Variants in ASTN1 observed in about 807,000 individuals in gnomAD.
The protein encoded by ASTN1 is astrotactin 1.
A neutral mutation model predicts 140.7 loss-of-function variants in ASTN1; 41 were observed. That is an observed-to-expected ratio of 0.29 (90% CI 0.23 to 0.38). ASTN1 has a LOEUF of 0.38. Ranked by LOEUF, ASTN1 falls within the 10% of genes least tolerant of loss-of-function variation. ASTN1 has a pLI of 1.00. For synonymous variants in ASTN1, 640 were observed against 652.2 expected (o/e 0.98, Z 0.29); for missense variants, 1,479 against 1,678.8 (o/e 0.88, Z 2.08).
chr1:177,039,286 A>T (rs969964236), intron 2 of ASTN1, among the ~76,000 whole-genome samples: 4 of 152,232 alleles, frequency 2.6e-5, no homozygotes, highest in Non-Finnish European at 5.9e-5. Flanking sequence ...GTGGTTACAA[A>T]ATAGGAATCA....
chr1:177,037,573 G>A (rs1195605671), intron 2 of ASTN1, among the ~76,000 whole-genome samples: 1 of 152,114 alleles, frequency 6.6e-6, no homozygotes, highest in East Asian at 1.9e-4. Flanking sequence ...ATAGCCATTG[G>A]AAAAACAAAG....
chr1:176,995,247 T>C (rs545010163), intron 8 of ASTN1, among the ~76,000 whole-genome samples: 1 of 152,144 alleles, frequency 6.6e-6, no homozygotes, highest in Admixed American at 6.5e-5. Flanking sequence ...CAGCTTGGGA[T>C]AGTATGGGCA....
At chr1:177,074,507 C>T (rs1440229142) in intron 1 of ASTN1, among the ~76,000 whole-genome samples, 2 of 152,286 alleles carry the variant, frequency 1.3e-5, no homozygotes, top group African/African-American at 2.4e-5. Flanking sequence ...TTTCTCTGTA[C>T]AGATTCCCAC....
At chr1:177,096,384 T>A (rs151110113) in intron 1 of ASTN1, among the ~76,000 whole-genome samples, 1 of 152,184 alleles carries the variant, frequency 6.6e-6, no homozygotes, top group Admixed American at 6.5e-5. Context: ...TGAATGTTTG[T>A]GTCTCCCAAA....
rs529091361 is a variant in ASTN1, at chr1:177,063,644, T to G, written c.284-2379A>C. 4.5e-4 allele frequency among the ~76,000 whole-genome samples: 68 copies of G among 152,094 alleles called. 1 individual carries two copies. In the South Asian group the frequency reaches 0.014, roughly 32 times the overall value. ...CAGAGGAGGCCTGACAATCACAAAC[T>G]CCATTCCCCACTTGGGCGCTTATCC... On this transcript the variant is annotated intron_variant, in intron 1 of 22. Transcript: ENST00000361833.
intron 8 of ASTN1, among the ~76,000 whole-genome samples, chr1:176,972,182 GT>G (rs1673165733): frequency 6.6e-6 from 1 of 152,200 alleles, no homozygotes; most frequent in Non-Finnish European, 1.5e-5. Flanking sequence ...GAACACTGTT[GT>G]ACATGTGGTC....
intron 1 of ASTN1, among the ~76,000 whole-genome samples, chr1:177,122,173 T>C (rs973046302): frequency 6.6e-6 from 1 of 152,060 alleles, no homozygotes; most frequent in African/African-American, 2.4e-5. Flanking sequence ...AATAAGGAAG[T>C]AGCGAGGGTA....
intron 11 of ASTN1, among the ~76,000 whole-genome samples, chr1:176,952,242 C>CT (rs1173135386): frequency 2.1e-5 from 3 of 145,728 alleles, no homozygotes; most frequent in African/African-American, 4.9e-5. Flanking sequence ...TTCTTTCTTT[C>CT]TTTTTTTTCT....
chr1:176,984,773 C>T (rs1365520338), intron 8 of ASTN1, among the ~76,000 whole-genome samples: 1 of 152,168 alleles, frequency 6.6e-6, no homozygotes, highest in Admixed American at 6.5e-5. Context: ...AACTTCCTTG[C>T]TATAGTTATT....
chr1:176,985,457 TC>T (rs1673846913), intron 8 of ASTN1, among the ~76,000 whole-genome samples: 1 of 152,042 alleles, frequency 6.6e-6, no homozygotes. Context: ...ACTGCACCCC[TC>T]ACACTCTTTG....
chr1:176,895,391 T>G (rs1442266003), intron 16 of ASTN1, among the ~76,000 whole-genome samples: 1 of 152,238 alleles, frequency 6.6e-6, no homozygotes, highest in East Asian at 1.9e-4. Flanking sequence ...TGGCGTTCTA[T>G]CATTATACTC....
At chr1:177,062,013 T>C (rs1156234086) in intron 1 of ASTN1, among the ~76,000 whole-genome samples, 1 of 152,028 alleles carries the variant, frequency 6.6e-6, no homozygotes, top group Non-Finnish European at 1.5e-5. Context: ...AATAGCAAAA[T>C]ACGAAAACTG....
At chr1:177,099,358 A>AC (rs1347786722) in intron 1 of ASTN1, among the ~76,000 whole-genome samples, 1 of 152,096 alleles carries the variant, frequency 6.6e-6, no homozygotes, top group East Asian at 1.9e-4. Flanking sequence ...GGCGGTTAAA[A>AC]AATCAGGTCT....
At chr1:177,139,632 G>C (rs1211246695) in intron 1 of ASTN1, among the ~76,000 whole-genome samples, 1 of 152,142 alleles carries the variant, frequency 6.6e-6, no homozygotes, top group Non-Finnish European at 1.5e-5. Flanking sequence ...TGGATTTTTA[G>C]TATTTATCTG....
intron 16 of ASTN1, among the ~76,000 whole-genome samples, chr1:176,932,044 A>T (rs1671228654): frequency 6.6e-6 from 1 of 152,180 alleles, no homozygotes. Flanking sequence ...CACCTGGATG[A>T]CTCTAGACTT....
chr1:177,156,871 A>G (rs748648422), intron 1 of ASTN1, among the ~76,000 whole-genome samples: 5 of 152,244 alleles, frequency 3.3e-5, no homozygotes, highest in Non-Finnish European at 5.9e-5. Context: ...ATGACACTTT[A>G]TAGCTTCCTT....
chr1:177,027,613 A>T (rs1170977117), intron 5 of ASTN1, among the ~76,000 whole-genome samples: 1 of 150,590 alleles, frequency 6.6e-6, no homozygotes, highest in African/African-American at 2.5e-5. Context: ...CCTTTAAAAC[A>T]CCATGTTCTT....
At position 177,142,892 on chromosome 1, in the gene ASTN1, GA is replaced by G. The variant is rs59942849; in HGVS notation, c.283+21501del. On this transcript the variant is annotated intron_variant, in intron 1 of 22. Coordinates refer to ENST00000361833, the MANE Select transcript of ASTN1 (RefSeq NM_004319.3). ...TGAGCCAGAGGAAAGGAGCAAGGAGGAAAAAAAAAAAGGGGGGGAGGGGTGC... is the reference window on the plus strand; with the variant it reads ...TGAGCCAGAGGAAAGGAGCAAGGAGGAAAAAAAAAAGGGGGGGAGGGGTGC... Among the ~76,000 whole-genome samples, 220 of 127,356 alleles carry G rather than the reference GA, an allele frequency of 1.7e-3. 1 individual carries two copies. Among genetic ancestry groups the G allele is most frequent in the African/African-American group, 4.7e-3 (142 of 29,934 alleles). 83.6% of individuals were successfully genotyped at this position (127,356 alleles called of 152,430 possible).
At chr1:177,140,979 G>C (rs529504737) in intron 1 of ASTN1, among the ~76,000 whole-genome samples, 1 of 152,322 alleles carries the variant, frequency 6.6e-6, no homozygotes, top group South Asian at 2.1e-4. Flanking sequence ...GACTTTGGGA[G>C]GCCAAGGCGG....
Sources: allele counts gnomAD v4.1 joint callset (sites outside exome capture counted in the v4.1 genomes callset), GRCh38; gene constraint gnomAD v4.1.1; transcripts MANE v1.5; gene names NCBI Gene and HGNC (gene_info 2026-07-23, HGNC 2026-07-21).